ARHGAP28: variants seen among roughly 807,000 people sequenced by gnomAD.
ARHGAP28 encodes the protein rho GTPase-activating protein 28.
Under a neutral mutation model 90.7 loss-of-function variants are expected in ARHGAP28, and 56 were observed. The observed-to-expected ratio is 0.62, with a 90% confidence interval of 0.50 to 0.77. The LOEUF is 0.77. Among genes scored for constraint, ARHGAP28 ranks in the 30% least tolerant of loss-of-function variants. The pLI is 0.00. For missense variants in ARHGAP28, 869 were observed against 900.9 expected, an observed-to-expected ratio of 0.96 and a Z score of 0.45; for synonymous variants, 308 against 323.3, an observed-to-expected ratio of 0.95 and a Z score of 0.51.
At chr18:6,739,532 T>A (rs1053769315) in intron 1 of ARHGAP28, among the ~76,000 whole-genome samples, 1 of 150,850 alleles carries the variant, frequency 6.6e-6, no homozygotes, top group Non-Finnish European at 1.5e-5. Flanking sequence ...AATATATATA[T>A]AAACATATAT....
chr18:6,883,975 C>T (rs539113296), intron 11 of ARHGAP28, among the ~76,000 whole-genome samples: 123 of 152,052 alleles, frequency 8.1e-4, no homozygotes, highest in Non-Finnish European at 1.5e-3. Flanking sequence ...TCAGTTGGTG[C>T]TTTTAAAATA....
At chr18:6,840,136 T>C (rs964480709) in intron 3 of ARHGAP28, among the ~76,000 whole-genome samples, 9 of 152,108 alleles carry the variant, frequency 5.9e-5, no homozygotes, top group Non-Finnish European at 1.2e-4. Flanking sequence ...TGCAAGTGGG[T>C]GATTTGCTAT....
At chr18:6,736,545 G>A (rs894002840) in intron 1 of ARHGAP28, among the ~76,000 whole-genome samples, 5 of 150,886 alleles carry the variant, frequency 3.3e-5, no homozygotes, top group Admixed American at 2.0e-4. Context: ...TTCGAGACCA[G>A]CCTGACTAAC....
intron 2 of ARHGAP28, among the ~76,000 whole-genome samples, chr18:6,829,183 C>A (rs981922386): frequency 2.9e-4 from 44 of 152,210 alleles, no homozygotes; most frequent in African/African-American, 9.9e-4. Flanking sequence ...TCCAGAAAGA[C>A]AGGAAGACAC....
chr18:6,754,380 A>G (rs557397184), intron 1 of ARHGAP28, among the ~76,000 whole-genome samples: 2 of 152,192 alleles, frequency 1.3e-5, no homozygotes, highest in Non-Finnish European at 2.9e-5. Flanking sequence ...ATACAGCTCT[A>G]TACTGGGTAT....
chr18:6,830,645 T>C (rs576241745), intron 2 of ARHGAP28, among the ~76,000 whole-genome samples: 1 of 152,344 alleles, frequency 6.6e-6, no homozygotes, highest in East Asian at 1.9e-4. Flanking sequence ...GCAAAGGACA[T>C]GAACTCATCC....
At chr18:6,880,914 C>T (rs2057173040) in intron 10 of ARHGAP28, among the ~76,000 whole-genome samples, 1 of 152,184 alleles carries the variant, frequency 6.6e-6, no homozygotes, top group Admixed American at 6.5e-5. Flanking sequence ...CACTCTATCT[C>T]TTTCATTTTA....
intron 2 of ARHGAP28, among the ~76,000 whole-genome samples, chr18:6,830,454 A>C (rs2143817678): frequency 6.6e-6 from 1 of 152,092 alleles, no homozygotes; most frequent in African/African-American, 2.4e-5. Context: ...ATTTCTCCTA[A>C]GACTATCCCT....
chr18:6,813,083 T>C (rs1180534345), intron 1 of ARHGAP28, among the ~76,000 whole-genome samples: 4 of 152,226 alleles, frequency 2.6e-5, no homozygotes, highest in African/African-American at 9.6e-5. Flanking sequence ...AATGTGGATT[T>C]AGAATTTATC....
At chr18:6,823,897 T>C (rs2056642933) in intron 1 of ARHGAP28, among the ~76,000 whole-genome samples, 1 of 152,068 alleles carries the variant, frequency 6.6e-6, no homozygotes, top group African/African-American at 2.4e-5. Flanking sequence ...CAGATGCATG[T>C]ATGGTGGCTC....
intron 1 of ARHGAP28, among the ~76,000 whole-genome samples, chr18:6,746,125 G>C (rs1008177258): frequency 1.3e-5 from 2 of 152,226 alleles, no homozygotes; most frequent in East Asian, 1.9e-4. Flanking sequence ...TTCTACCAAG[G>C]AACAGTCTTC....
At position 6,876,168 on chromosome 18, in the gene ARHGAP28, A is replaced by G; in HGVS notation, c.1250A>G (p.Glu417Gly). 6.2e-7 allele frequency: 1 copy of G among 1,614,066 alleles called. No individual in the cohort carries two copies. Among genetic ancestry groups the G allele is most frequent in the Non-Finnish European group, 8.5e-7 (1 of 1,179,982 alleles). The change falls in exon 10 of 18, where the codon GAA (glutamate) becomes GGA (glycine). Residue 417 changes from glutamate to glycine, a missense_variant. Coordinates refer to ENST00000383472, the MANE Select transcript of ARHGAP28 (RefSeq NM_001366230.1). ...EKVEESGLES[E>G]GIFRLSGCTA... ...GTTGAGGAATCAGGTCTGGAATCTG[A>G]AGGAATTTTTCGACTTTCAGGATGT... is the stretch of plus-strand genomic sequence containing the variant.
At chr18:6,735,152 CT>C (rs2055914733) in intron 1 of ARHGAP28, among the ~76,000 whole-genome samples, 1 of 152,284 alleles carries the variant, frequency 6.6e-6, no homozygotes, top group Admixed American at 6.5e-5. Context: ...TAACTTTTAA[CT>C]TTCTATTTTG....
rs773429151 is a variant in ARHGAP28 at position 6,873,664 on chromosome 18, T to G, written c.1121-20T>G. 1 of 1,611,582 alleles carries G rather than the reference T, an allele frequency of 6.2e-7. No homozygotes were observed. The highest frequency in any genetic ancestry group is 8.5e-7 in the Non-Finnish European group (1 of 1,178,544). On this transcript the variant is annotated intron_variant, in intron 8 of 17. Coordinates refer to ENST00000383472, the MANE Select transcript of ARHGAP28 (RefSeq NM_001366230.1). ...TTCTAATTCTTTTTTTTTTTCCCCC[T>G]TTACTGTCTCACAATGAAGACAATG...
intron 1 of ARHGAP28, among the ~76,000 whole-genome samples, chr18:6,770,539 G>C (rs1210096038): frequency 6.6e-6 from 1 of 152,066 alleles, no homozygotes; most frequent in Non-Finnish European, 1.5e-5. Flanking sequence ...CCTTCCCCTG[G>C]GATCAAACAT....
At chr18:6,903,826 CAAAAAAAA>C (rs35606759) in intron 16 of ARHGAP28, among the ~76,000 whole-genome samples, 1 of 84,058 alleles carries the variant, frequency 1.2e-5, no homozygotes, top group Non-Finnish European at 2.1e-5. Flanking sequence ...GACTCCATCT[CAAAAAAAA>C]AAAAAAAAAA....
rs570526684 is a variant in ARHGAP28, at chr18:6,824,300, A to T, written c.123-462A>T. Among the ~76,000 whole-genome samples the T allele has an allele frequency of 3.3e-5, 5 of 152,262 alleles. 1 individual carries two copies. The South Asian group carries it at 1.0e-3, about 32-fold the overall frequency. On this transcript the variant is annotated intron_variant, in intron 1 of 17. Transcript: ENST00000383472. ...ACACCTGTAATCCCAGCACTTTGGG[A>T]GGCTGAGGCAGGTGGATCACAAGGT... is the stretch of plus-strand genomic sequence containing the variant.
At chr18:6,812,393 G>A (rs920612964) in intron 1 of ARHGAP28, among the ~76,000 whole-genome samples, 1 of 152,146 alleles carries the variant, frequency 6.6e-6, no homozygotes, top group East Asian at 1.9e-4. Context: ...TTGAATGAAA[G>A]CTCAACAGAT....
chr18:6,873,487 C>T lies in ARHGAP28; in HGVS notation c.1033C>T (p.His345Tyr). ...TGCTGAAGACATGAAGAAAATCCGC[C>T]ATCTCTCTCTGATTGAATTGACTGC... ...LSAEDMKKIRHLSLIELTAFF... is the reference protein window; with the variant it reads ...LSAEDMKKIRYLSLIELTAFF... Residue 345 changes from histidine (H) to tyrosine (Y), a missense_variant, in exon 8 of 18, where the codon CAT becomes TAT. By Grantham distance (83) the His-to-Tyr change is moderately conservative. Transcript: ENST00000383472. The T allele has an allele frequency of 6.2e-7, 1 of 1,614,134 alleles. No individual in the cohort carries two copies. The highest frequency in any genetic ancestry group is 8.5e-7 in the Non-Finnish European group (1 of 1,180,002).
Sources: gnomAD v4.1 joint callset for allele counts (sites outside exome capture counted in the v4.1 genomes callset) on GRCh38, gnomAD v4.1.1 for gene constraint, MANE v1.5 for transcripts, NCBI Gene and HGNC (gene_info 2026-07-23, HGNC 2026-07-21) for gene names.